RLF: variants seen among roughly 807,000 people sequenced by gnomAD.
RLF encodes the protein zinc finger protein Rlf.
Under a neutral mutation model 162.9 loss-of-function variants are expected in RLF, and 7 were observed. The ratio of observed to expected loss-of-function variants is 0.04; its 90% CI spans 0.02 to 0.08. RLF has a LOEUF of 0.08. Among genes scored for constraint, RLF ranks in the 10% least tolerant of loss-of-function variants. The probability of loss-of-function intolerance (pLI) is 1.00; values close to 1 mark genes in which losing one functional copy is unlikely to be tolerated. For synonymous variants in RLF, 782 were observed against 791.5 expected (o/e 0.99, Z 0.20); for missense variants, 1,664 against 2,244.7 (o/e 0.74, Z 5.23).
At position 40,240,022 on chromosome 1, in the gene RLF, C is replaced by G; in HGVS notation, c.5320C>G (p.Leu1774Val). 6.2e-7 allele frequency: 1 copy of G among 1,614,052 alleles called. No individual in the cohort carries two copies. Among genetic ancestry groups the G allele is most frequent in the Non-Finnish European group, 8.5e-7 (1 of 1,180,002 alleles). ...ACCTATGGGATTTGAATCTTCATTT[C>G]TGAAATTTATTCAGGAAAGTGAAGA... ...YKPMGFESSF[L>V]KFIQESEEKE... is the part of the protein sequence containing the mutation. Residue 1774 changes from leucine (L) to valine (V), a missense_variant, in exon 8 of 8, where the codon CTG becomes GTG. This residue lies in a region of RLF where 327 missense variants were observed against 342.7 expected (regional missense o/e 0.95). Coordinates refer to ENST00000372771, the MANE Select transcript of RLF (RefSeq NM_012421.4).
At position 40,240,612 on chromosome 1, in the gene RLF, A is replaced by G. The variant is rs1007584199; in HGVS notation, c.*165A>G. On this transcript the variant is annotated 3_prime_UTR_variant, in exon 8 of 8. Coordinates refer to ENST00000372771, the MANE Select transcript of RLF (RefSeq NM_012421.4). The stretch of plus-strand genomic sequence containing the variant: ...TATGTCAGCAGTATTGGCTGAGTCC[A>G]TTAGCTCTCCAGTTGGTTTAATGAT... 4 of 582,214 alleles carry G rather than the reference A, an allele frequency of 6.9e-6. No homozygotes were observed. Among genetic ancestry groups the G allele is most frequent in the Admixed American group, 3.3e-5 (1 of 30,074 alleles). The allele number at this position is 582,214 out of a possible 1,614,324, so 36.1% of individuals were successfully genotyped here.
chr1:40,205,073 T>C (rs905141715), intron 5 of RLF, among the ~76,000 whole-genome samples: 2 of 152,238 alleles, frequency 1.3e-5, no homozygotes, highest in Non-Finnish European at 2.9e-5. Flanking sequence ...CAGTTCTCCT[T>C]TTCTCTATTA....
At chr1:40,179,195 T>A (rs1570521290) in intron 1 of RLF, among the ~76,000 whole-genome samples, 2 of 152,186 alleles carry the variant, frequency 1.3e-5, no homozygotes, top group East Asian at 3.9e-4. Context: ...GGTAGTCAAT[T>A]TCAGTTGACT....
At chr1:40,222,384 A>G (rs552651864) in intron 5 of RLF, among the ~76,000 whole-genome samples, 190 bp from the exon 6 acceptor site, 1 of 152,316 alleles carries the variant, frequency 6.6e-6, no homozygotes, top group South Asian at 2.1e-4. Flanking sequence ...CTGTAGTAGA[A>G]CTTCCTTATA....
chr1:40,237,553 G>C lies in RLF; in HGVS notation c.2851G>C (p.Gly951Arg). ...KCSSMAVCFD[G>R]TKFTCGFDGC... Reference sequence around the variant, plus strand: ...TTCCAGTATGGCAGTTTGTTTTGACGGGACTAAGTTTACCTGTGGTTTTGA... The same window carrying C: ...TTCCAGTATGGCAGTTTGTTTTGACCGGACTAAGTTTACCTGTGGTTTTGA... The change falls in exon 8 of 8, where the codon GGG becomes CGG. Residue 951 changes from glycine to arginine, a missense_variant. Physicochemically the swap from Gly to Arg is moderately radical, Grantham distance 125. Coordinates refer to ENST00000372771, the MANE Select transcript of RLF (RefSeq NM_012421.4). This position sits in a 1 kb window ranked among gnomAD's most constrained non-coding sequence, Gnocchi z 4.4. 1 of 1,614,050 alleles carries C rather than the reference G, an allele frequency of 6.2e-7. No individual in the cohort carries two copies.
Position 40,214,918 on chromosome 1 carries a change from C to CAAAAAAAAAAA in RLF, c.811-7639_811-7629dup, listed in dbSNP as rs34756935. 3.5e-4 allele frequency among the ~76,000 whole-genome samples: 5 copies of CAAAAAAAAAAA among 14,396 alleles called. 1 individual carries two copies. The highest frequency in any genetic ancestry group is 4.6e-4 in the African/African-American group (2 of 4,390). 9.4% of individuals were successfully genotyped at this position (14,396 alleles called of 152,430 possible). ...CACCTGGACAAGAGTGAGCCTGTCT[C>CAAAAAAAAAAA]AAAAAAAAAAAAAAAAAAAAAAAAA... On this transcript the variant is annotated intron_variant, in intron 5 of 7. Coordinates refer to ENST00000372771, the MANE Select transcript of RLF (RefSeq NM_012421.4).
chr1:40,164,161 A>G (rs1251400789), intron 1 of RLF, among the ~76,000 whole-genome samples: 4 of 152,234 alleles, frequency 2.6e-5, no homozygotes, highest in Admixed American at 2.0e-4. Flanking sequence ...TTTTTACATT[A>G]TAAAGGTCTG....
intron 5 of RLF, among the ~76,000 whole-genome samples, chr1:40,210,138 TTACTC>T (rs1183926554): frequency 1.3e-5 from 2 of 152,210 alleles, no homozygotes; most frequent in African/African-American, 2.4e-5. Flanking sequence ...AATAACAACT[TTACTC>T]TCTCAGCCTT....
intron 6 of RLF, among the ~76,000 whole-genome samples, chr1:40,227,209 C>T (rs749530842): frequency 3.3e-5 from 5 of 152,062 alleles, no homozygotes; most frequent in African/African-American, 7.2e-5. Flanking sequence ...ATTTCCTTTC[C>T]GATTTTTATA....
At chr1:40,195,492 A>T in intron 3 of RLF, 140 bp from the exon 4 acceptor site, 1 of 592,796 alleles carries the variant, frequency 1.7e-6, no homozygotes, top group Non-Finnish European at 2.8e-6. Flanking sequence ...CAAGGCTTTG[A>T]GTATAGTCTT....
At chr1:40,197,652 C>G (rs1304676621) in intron 4 of RLF, among the ~76,000 whole-genome samples, 2 of 152,112 alleles carry the variant, frequency 1.3e-5, no homozygotes, top group African/African-American at 2.4e-5. Context: ...TTCTTGGTAT[C>G]CTGTTTATTC....
chr1:40,238,436 A>T lies in RLF; in HGVS notation c.3734A>T (p.His1245Leu), dbSNP rs779208611. 2 of 1,614,168 alleles carry T rather than the reference A, an allele frequency of 1.2e-6. No individual in the cohort carries two copies. Among genetic ancestry groups the T allele is most frequent in the South Asian group, 2.2e-5 (2 of 91,078 alleles). ...AGTAACTCTGAGAAACCACACTGTC[A>T]TCCTAAAAAGGATGAATGTAGTTCT... ...PSSNSEKPHCHPKKDECSSET... is the reference protein window; with the variant it reads ...PSSNSEKPHCLPKKDECSSET... The change falls in exon 8 of 8, where the codon CAT becomes CTT. Residue 1245 changes from histidine (H) to leucine (L), a missense_variant. His to Leu is a moderately conservative substitution (Grantham distance 99, BLOSUM62 -3). This residue lies in a region of RLF where 102 missense variants were observed against 109.5 expected (regional missense o/e 0.93). Coordinates refer to ENST00000372771, the MANE Select transcript of RLF (RefSeq NM_012421.4). This position sits in a 1 kb window ranked among gnomAD's most constrained non-coding sequence, Gnocchi z 5.2.
At chr1:40,227,957 C>T (rs147763044) in intron 6 of RLF, among the ~76,000 whole-genome samples, 6,991 of 151,750 alleles carry the variant, frequency 0.046, 517 homozygotes, top group African/African-American at 0.16. Context: ...AAGCCGATAT[C>T]GCACCACTGC....
At chr1:40,176,984 T>A (rs962134266) in intron 1 of RLF, among the ~76,000 whole-genome samples, 2 of 151,810 alleles carry the variant, frequency 1.3e-5, no homozygotes, top group Admixed American at 6.6e-5. Context: ...TTTCTTTTTT[T>A]AATTAATTAA....
chr1:40,175,636 G>A (rs138362820), intron 1 of RLF, among the ~76,000 whole-genome samples: 7,011 of 151,362 alleles, frequency 0.046, 524 homozygotes, highest in African/African-American at 0.16. Flanking sequence ...GCGACAGAGT[G>A]AGACTCCGAC....
intron 4 of RLF, among the ~76,000 whole-genome samples, chr1:40,200,866 CTACA>C (rs1224143126): frequency 1.5e-4 from 16 of 107,788 alleles, no homozygotes; most frequent in Non-Finnish European, 2.8e-4. Context: ...CATTGCTACT[CTACA>C]CACACACACA....
At chr1:40,207,468 G>T (rs1642811603) in intron 5 of RLF, among the ~76,000 whole-genome samples, 1 of 152,110 alleles carries the variant, frequency 6.6e-6, no homozygotes, top group South Asian at 2.1e-4. Flanking sequence ...ATGAAACCAA[G>T]TACAGTGTTG....
chr1:40,192,637 T>C (rs1642575105), intron 3 of RLF, among the ~76,000 whole-genome samples: 1 of 152,192 alleles, frequency 6.6e-6, no homozygotes, highest in Admixed American at 6.5e-5. Context: ...ATCAGATGTG[T>C]AGGATATATT....
At chr1:40,201,836 T>G (rs1642723531) in intron 4 of RLF, among the ~76,000 whole-genome samples, 1 of 152,142 alleles carries the variant, frequency 6.6e-6, no homozygotes. Context: ...CAAATCAGTT[T>G]AGGAAACATT....
Sources: gnomAD v4.1 joint callset for allele counts (sites outside exome capture counted in the v4.1 genomes callset) on GRCh38, gnomAD v4.1.1 for gene constraint, gnomAD v4.1.1 regional missense constraint, Gnocchi (gnomAD v3.1) non-coding constraint, MANE v1.5 for transcripts, NCBI Gene and HGNC (gene_info 2026-07-23, HGNC 2026-07-21) for gene names.